The following LRP1B variants were observed in gnomAD, a reference collection of about 807,000 sequenced individuals.
LRP1B encodes the protein LDL receptor related protein 1B.
LRP1B carries 217 observed loss-of-function variants against 556.6 expected under a neutral mutation model. That is an observed-to-expected ratio of 0.39 (90% CI 0.35 to 0.44). The LOEUF is 0.44. Ranked by LOEUF, LRP1B falls within the 20% of genes least tolerant of loss-of-function variation. The pLI, the probability that LRP1B is intolerant of heterozygous loss-of-function variation, is 1.00. For synonymous variants in LRP1B, 2,047 were observed against 1,865.8 expected, an observed-to-expected ratio of 1.10 and a Z score of -2.50; for missense variants, 5,053 against 5,620.8, an observed-to-expected ratio of 0.90 and a Z score of 3.23.
At chr2:141,589,894 T>A (rs1687275602) in intron 2 of LRP1B, among the ~76,000 whole-genome samples, 1 of 152,218 alleles carries the variant, frequency 6.6e-6, no homozygotes, top group African/African-American at 2.4e-5. Flanking sequence ...GCAATAAAGT[T>A]ATTCAAAGTT....
intron 6 of LRP1B, among the ~76,000 whole-genome samples, chr2:141,223,701 C>A (rs749368497): frequency 3.3e-5 from 5 of 152,076 alleles, no homozygotes; most frequent in African/African-American, 7.2e-5. Context: ...ACCAGTGGAA[C>A]AGAATAGAGA....
intron 7 of LRP1B, among the ~76,000 whole-genome samples, chr2:141,164,778 T>G (rs920988892): frequency 5.9e-5 from 9 of 151,976 alleles, no homozygotes; most frequent in African/African-American, 1.9e-4. Context: ...ACTCTAAAAT[T>G]TAGAAGATAC....
chr2:141,319,306 TGTTG>T lies in LRP1B; in HGVS notation c.344-64669_344-64666del, dbSNP rs756078133. The stretch of plus-strand genomic sequence containing the variant: ...TAGTCTCTAAAAAGCAGTGTTTTTT[TGTTG>T]TTTTTTTTTTTTTTCCTACTCTTAC... On this transcript the variant is annotated intron_variant, in intron 3 of 90. Transcript: ENST00000389484. Among the ~76,000 whole-genome samples the T allele has an allele frequency of 4.2e-4, 40 of 94,868 alleles. 4 individuals are homozygous for T. The highest frequency in any genetic ancestry group is 1.0e-3 in the South Asian group (3 of 2,912). The allele number at this position is 94,868 out of a possible 152,430, so 62.2% of individuals were successfully genotyped here. A position where few individuals can be genotyped will look rare whatever the true frequency, so the allele number is the denominator to read the frequency against.
intron 48 of LRP1B, 120 bp from the exon 49 acceptor site, chr2:140,526,113 C>T: frequency 7.5e-7 from 1 of 1,339,582 alleles, no homozygotes; most frequent in Non-Finnish European, 1.0e-6. Flanking sequence ...ACGTAATTAT[C>T]CCACACAACA....
intron 31 of LRP1B, among the ~76,000 whole-genome samples, chr2:140,831,323 A>T (rs1480753003): frequency 1.3e-5 from 2 of 152,192 alleles, no homozygotes; most frequent in Non-Finnish European, 2.9e-5. Flanking sequence ...ATAAAAACAG[A>T]CATAGAGAAC....
intron 43 of LRP1B, among the ~76,000 whole-genome samples, chr2:140,561,116 A>G (rs937075473): frequency 1.3e-5 from 2 of 152,138 alleles, no homozygotes; most frequent in Non-Finnish European, 2.9e-5. Context: ...CTCTTCCCCA[A>G]TGTGAGTGAT....
chr2:141,294,389 G>T (rs966295453), intron 3 of LRP1B, among the ~76,000 whole-genome samples: 3 of 150,738 alleles, frequency 2.0e-5, no homozygotes, highest in Non-Finnish European at 3.0e-5. Context: ...TTTAATAATA[G>T]AACTTATCAT....
At chr2:140,992,730 T>C in intron 16 of LRP1B, 1 of 152,198 alleles carries the variant, frequency 6.6e-6, no homozygotes, top group South Asian at 2.1e-4. Context: ...TAAATAATAC[T>C]CATTTATGTA....
At chr2:140,891,499 G>GT (rs1186174563) in intron 23 of LRP1B, among the ~76,000 whole-genome samples, 3 of 152,082 alleles carry the variant, frequency 2.0e-5, no homozygotes, top group African/African-American at 7.2e-5. Flanking sequence ...CTACTTCGGA[G>GT]TTTTTACTGT....
At chr2:142,062,522 C>T (rs558173234) in intron 1 of LRP1B, among the ~76,000 whole-genome samples, 11 of 151,678 alleles carry the variant, frequency 7.3e-5, no homozygotes, top group Non-Finnish European at 1.6e-4. Flanking sequence ...ATGTTGATGT[C>T]TACTAGATGG....
chr2:141,124,632 G>T (rs1701152308), intron 7 of LRP1B, among the ~76,000 whole-genome samples: 1 of 140,162 alleles, frequency 7.1e-6, no homozygotes, highest in South Asian at 2.2e-4. Flanking sequence ...AAGAAATTCT[G>T]TGTACATCAT....
At position 141,506,241 on chromosome 2, in the gene LRP1B, C is replaced by T. The variant is rs551548044; in HGVS notation, c.206-25708G>A. ...TTGAATAAAGAAGTGAATATTGTTT[C>T]GTGAAAATGGTCATTCATCATTAGT... On this transcript the variant is annotated intron_variant, in intron 2 of 90. Transcript: ENST00000389484. Among the ~76,000 whole-genome samples, 7 of 151,996 alleles carry T rather than the reference C, an allele frequency of 4.6e-5. No homozygotes were observed. The East Asian group carries it at 7.7e-4, about 17-fold the overall frequency.
At chr2:141,416,799 G>T (rs1444097690) in intron 3 of LRP1B, among the ~76,000 whole-genome samples, 3 of 152,060 alleles carry the variant, frequency 2.0e-5, no homozygotes, top group African/African-American at 7.2e-5. Flanking sequence ...AATCTTTGGG[G>T]CAAGGAAAGA....
intron 85 of LRP1B, among the ~76,000 whole-genome samples, chr2:140,273,110 C>G (rs1044010194): frequency 6.6e-6 from 1 of 151,862 alleles, no homozygotes; most frequent in African/African-American, 2.4e-5. Flanking sequence ...GGGTAGGAAA[C>G]TTTGGCTCAC....
intron 7 of LRP1B, among the ~76,000 whole-genome samples, chr2:141,081,640 G>C (rs1308123385): frequency 1.3e-5 from 2 of 152,110 alleles, no homozygotes; most frequent in Non-Finnish European, 2.9e-5. Flanking sequence ...GTGGTAGGTA[G>C]GGAAAAATAG....
intron 3 of LRP1B, among the ~76,000 whole-genome samples, chr2:141,422,968 A>T (rs961300589): frequency 6.6e-6 from 1 of 152,224 alleles, no homozygotes; most frequent in African/African-American, 2.4e-5. Flanking sequence ...AGAGGAAAAA[A>T]GTCAGTTGAA....
chr2:140,529,216 G>T (rs893157870), intron 47 of LRP1B, among the ~76,000 whole-genome samples: 2 of 152,000 alleles, frequency 1.3e-5, no homozygotes, highest in Non-Finnish European at 2.9e-5. Context: ...AAAAGTAGCA[G>T]CAAGAGAGAA....
At position 140,985,742 on chromosome 2, in the gene LRP1B, CT is replaced by C. The variant is rs539645930; in HGVS notation, c.2771-3467del. 1.2e-3 allele frequency among the ~76,000 whole-genome samples: 175 copies of C among 147,876 alleles called. 1 individual carries two copies. The highest frequency in any genetic ancestry group is 4.1e-3 in the South Asian group (19 of 4,644). ...GGACAATCTATTCTGGTCAATTGTT[CT>C]TTTTTTTTTCCCAGTGAAATATTTC... On this transcript the variant is annotated intron_variant, in intron 17 of 90. Transcript: ENST00000389484.
At chr2:140,588,871 A>G (rs1352142021) in intron 43 of LRP1B, among the ~76,000 whole-genome samples, 1 of 151,860 alleles carries the variant, frequency 6.6e-6, no homozygotes, top group Non-Finnish European at 1.5e-5. Flanking sequence ...GAGGCAGGAG[A>G]ATCTCTTGAA....
Sources: gnomAD v4.1 joint callset for allele counts (sites outside exome capture counted in the v4.1 genomes callset) on GRCh38, gnomAD v4.1.1 for gene constraint, MANE v1.5 for transcripts, NCBI Gene and HGNC (gene_info 2026-07-23, HGNC 2026-07-21) for gene names.